Variants in PWWP2A observed in about 807,000 individuals in gnomAD.
PWWP2A encodes PWWP domain containing 2A.
A neutral mutation model predicts 48.5 loss-of-function variants in PWWP2A; 18 were observed. That is an observed-to-expected ratio of 0.37 (90% confidence interval 0.26 to 0.55). The LOEUF (loss-of-function observed/expected upper bound fraction) is 0.55, where lower values mean the gene tolerates loss of function less well. PWWP2A is among the 20% of genes least tolerant of loss of function. PWWP2A has a pLI of 0.81. For synonymous variants in PWWP2A, 396 were observed against 387.7 expected, an observed-to-expected ratio of 1.02 and a Z score of -0.25; for missense variants, 867 against 976.4, an observed-to-expected ratio of 0.89 and a Z score of 1.49.
At chr5:160,090,800 A>T, downstream of PWWP2A, 1 of 978,904 alleles carries the variant, frequency 1.0e-6, no homozygotes, top group Non-Finnish European at 1.2e-6. Context: ...AAAAGTTAAG[A>T]CACAAAGTAT....
rs753902687 is a variant in PWWP2A, at chr5:160,093,274, G to A, written c.1376C>T (p.Thr459Ile). ...TGAGCTAGGATTCTGATATCGACGTGTGAAATGGACTTTTGAATGTGCATT... is the reference window on the plus strand; with the variant it reads ...TGAGCTAGGATTCTGATATCGACGTATGAAATGGACTTTTGAATGTGCATT... ...SKNAHSKVHF[T>I]RRYQNPSSGS... Residue 459 changes from threonine (T) to isoleucine (I), a missense_variant, in exon 2 of 2, where the codon ACA (threonine) becomes ATA (isoleucine). Thr to Ile is a moderately conservative substitution (Grantham distance 89). This residue lies in a region of PWWP2A where 382 missense variants were observed against 407.2 expected (regional missense o/e 0.94). Coordinates refer to ENST00000307063, the MANE Select transcript of PWWP2A (RefSeq NM_001130864.2). This position sits in a 1 kb window ranked among gnomAD's most constrained non-coding sequence, Gnocchi z 5.8. 6.2e-7 allele frequency: 1 copy of A among 1,613,888 alleles called. No individual in the cohort carries two copies.
chr5:160,105,141 G>A (rs1333734972), intron 1 of PWWP2A, among the ~76,000 whole-genome samples: 1 of 150,530 alleles, frequency 6.6e-6, no homozygotes, highest in East Asian at 2.0e-4. Context: ...AGAAGGCTGA[G>A]GCAGGAGGAT....
chr5:160,112,615 C>T (rs1757706057), intron 1 of PWWP2A, among the ~76,000 whole-genome samples: 4 of 151,956 alleles, frequency 2.6e-5, no homozygotes, highest in Admixed American at 2.0e-4. Flanking sequence ...CATTTATGGG[C>T]CAAAGAAAGC....
intron 4 of PWWP2A, among the ~76,000 whole-genome samples, chr5:160,064,508 GAGAGA>G (rs1368247065): frequency 6.6e-6 from 1 of 152,222 alleles, no homozygotes; most frequent in African/African-American, 2.4e-5. Context: ...TGCCGTTCTA[GAGAGA>G]AGAGACTTGG....
the PWWP2A span, among the ~76,000 whole-genome samples, chr5:160,050,971 C>T: frequency 9.9e-6 from 1 of 101,488 alleles, no homozygotes; most frequent in Non-Finnish European, 2.0e-5. Flanking sequence ...AACATAAATA[C>T]TTGGGGTTTT....
rs754247679 is a variant in PWWP2A, at chr5:160,093,910, G to A, written c.740C>T (p.Pro247Leu). 1.3e-5 allele frequency: 21 copies of A among 1,613,914 alleles called. No individual in the cohort carries two copies. Among genetic ancestry groups the A allele is most frequent in the Admixed American group, 5.0e-5 (3 of 60,004 alleles). ...GAVPDDPSPV[P>L]HPELSLAESL... The stretch of plus-strand genomic sequence containing the variant: ...TTCAGCCAAGCTCAGCTCGGGATGC[G>A]GGACAGGAGAAGGGTCATCGGGAAC... Residue 247 changes from proline to leucine, a missense_variant, in exon 2 of 2, where the codon CCG becomes CTG. Around this residue, in one of 4 missense-constraint regions of PWWP2A, gnomAD observed 385 missense variants for 396.9 expected, o/e 0.97. Coordinates refer to ENST00000307063, the MANE Select transcript of PWWP2A (RefSeq NM_001130864.2). The surrounding 1 kb of genome is among the most constrained non-coding windows in gnomAD (Gnocchi z 5.8).
chr5:160,071,829 C>G (rs1753745635), downstream of PWWP2A, among the ~76,000 whole-genome samples: 1 of 152,178 alleles, frequency 6.6e-6, no homozygotes, highest in Non-Finnish European at 1.5e-5. Flanking sequence ...TTTCTGTGAT[C>G]ACTTCCCTTC....
chr5:160,113,129 G>T, intron 1 of PWWP2A: 1 of 681,132 alleles, frequency 1.5e-6, no homozygotes, highest in Non-Finnish European at 1.8e-6. Flanking sequence ...CTGCACTCCA[G>T]CCTGGGTGAC....
chr5:160,063,198 A>G (rs1753483596), intron 5 of PWWP2A, among the ~76,000 whole-genome samples: 1 of 152,184 alleles, frequency 6.6e-6, no homozygotes, highest in Non-Finnish European at 1.5e-5. Context: ...AGTTCTCACC[A>G]TGAGTTATTA....
At chr5:160,072,997 T>C (rs1581144233), downstream of PWWP2A, among the ~76,000 whole-genome samples, 1 of 66,520 alleles carries the variant, frequency 1.5e-5, no homozygotes, top group Admixed American at 2.7e-4. Context: ...AGAGCGAGGC[T>C]CCGTCTCAAA....
downstream of PWWP2A, among the ~76,000 whole-genome samples, chr5:160,089,212 G>A (rs1754874942): frequency 6.6e-6 from 1 of 151,652 alleles, no homozygotes. Flanking sequence ...TTTTTTTTCA[G>A]AGCCAGGGTC....
chr5:160,116,818 C>A (rs1056623564), intron 1 of PWWP2A: 15 of 983,966 alleles, frequency 1.5e-5, no homozygotes, highest in African/African-American at 3.5e-5. Flanking sequence ...AGAGGCCGGG[C>A]GAGGTGGCTC....
At chr5:160,073,165 T>C (rs1036958760), downstream of PWWP2A, among the ~76,000 whole-genome samples, 4 of 152,010 alleles carry the variant, frequency 2.6e-5, no homozygotes, top group Admixed American at 6.6e-5. Flanking sequence ...TTGATAGAAC[T>C]GATAACAGAA....
Position 160,093,579 on chromosome 5 carries a change from A to G in PWWP2A, c.1071T>C (p.Ser357=), listed in dbSNP as rs576406918. The change falls in exon 2 of 2, where the codon AGT becomes AGC. Residue 357 remains serine (S), a synonymous_variant. Transcript: ENST00000307063. The surrounding 1 kb of genome is among the most constrained non-coding windows in gnomAD (Gnocchi z 5.8). ...TCAGTTTTTTGTTCACAGTAGTTAC[A>G]CTTTCATTTCTCCGTTTTTTATCTT... ...KYEDKKRRNE[S]VTTVNKKLKT... is the part of the protein sequence containing the mutation. 8.4e-5 allele frequency: 136 copies of G among 1,613,482 alleles called. 2 individuals carry two copies. In the South Asian group the frequency reaches 1.4e-3, roughly 17 times the overall value.
chr5:160,095,044 T>C (rs1301071136), intron 1 of PWWP2A, among the ~76,000 whole-genome samples: 1 of 14,228 alleles, frequency 7.0e-5, no homozygotes, highest in Non-Finnish European at 1.3e-4. Flanking sequence ...CAAGACTCTG[T>C]CTCAAAAAAA....
At chr5:160,053,118 C>G in the PWWP2A span, among the ~76,000 whole-genome samples, 3 of 152,014 alleles carry the variant, frequency 2.0e-5, no homozygotes, top group Non-Finnish European at 4.4e-5. Context: ...CTCCTTGTTG[C>G]TGATGAGGTA....
chr5:160,073,517 A>C (rs1342569046), downstream of PWWP2A, among the ~76,000 whole-genome samples: 1 of 151,792 alleles, frequency 6.6e-6, no homozygotes, highest in Non-Finnish European at 1.5e-5. Flanking sequence ...GTGAGCCACC[A>C]TGCCCGGCCA....
At chr5:160,088,797 A>G (rs73311142), downstream of PWWP2A, among the ~76,000 whole-genome samples, 1,940 of 152,296 alleles carry the variant, frequency 0.013, 47 homozygotes, top group African/African-American at 0.044. Flanking sequence ...AAAATTAACA[A>G]CTTAAAAGGG....
intron 1 of PWWP2A, among the ~76,000 whole-genome samples, chr5:160,098,960 C>T (rs887438811): frequency 6.6e-6 from 1 of 152,102 alleles, no homozygotes; most frequent in Non-Finnish European, 1.5e-5. Context: ...AAAAACAAAA[C>T]AAAACAAAAC....
Sources: allele counts gnomAD v4.1 joint callset (sites outside exome capture counted in the v4.1 genomes callset), GRCh38; gene constraint gnomAD v4.1.1; regional missense constraint gnomAD v4.1.1; non-coding constraint Gnocchi (gnomAD v3.1); transcripts MANE v1.5; gene names NCBI Gene and HGNC (gene_info 2026-07-23, HGNC 2026-07-21).